Variants in C2orf49 observed in about 807,000 individuals in gnomAD.
The protein encoded by C2orf49 is tRNA splicing ligase complex subunit 2.
C2orf49 carries 11 observed loss-of-function variants against 20.6 expected under a neutral mutation model. The observed-to-expected ratio is 0.53, with a 90% confidence interval of 0.34 to 0.88. The LOEUF (loss-of-function observed/expected upper bound fraction) is 0.88. C2orf49 is among the 40% of genes least tolerant of loss of function. The probability of loss-of-function intolerance (pLI) is 0.02; values close to 1 mark genes in which losing one functional copy is unlikely to be tolerated. For missense variants in C2orf49, 289 were observed against 274.2 expected, an observed-to-expected ratio of 1.05 and a Z score of -0.38; for synonymous variants, 134 against 108.5, an observed-to-expected ratio of 1.24 and a Z score of -1.46.
the C2orf49 span, among the ~76,000 whole-genome samples, chr2:105,369,509 A>G: frequency 6.6e-6 from 1 of 152,190 alleles, no homozygotes; most frequent in East Asian, 1.9e-4. Flanking sequence ...GTTGGGGGGC[A>G]ATGTGTGAGA....
chr2:105,348,525 A>G lies in C2orf49; in HGVS notation c.*3154A>G, dbSNP rs1679867281. On this transcript the variant is annotated 3_prime_UTR_variant, in exon 4 of 4. Coordinates refer to ENST00000258457, the MANE Select transcript of C2orf49 (RefSeq NM_024093.3). ...TTAAGTAAAACTGCCAGTAGATTAAATCATATATATATATATATATATATA... is the reference window on the plus strand; with the variant it reads ...TTAAGTAAAACTGCCAGTAGATTAAGTCATATATATATATATATATATATA... 8.4e-6 allele frequency: 1 copy of G among 118,860 alleles called. No homozygotes were observed. The highest frequency in any genetic ancestry group is 3.2e-5 in the African/African-American group (1 of 31,378). 7.4% of individuals were successfully genotyped at this position (118,860 alleles called of 1,614,324 possible). A position where few individuals can be genotyped will look rare whatever the true frequency, so the allele number is the denominator to read the frequency against.
At chr2:105,372,440 TG>T in the C2orf49 span, among the ~76,000 whole-genome samples, 2 of 152,158 alleles carry the variant, frequency 1.3e-5, no homozygotes, top group Non-Finnish European at 2.9e-5. Context: ...TTAGCCTGGC[TG>T]GTCTCAAACT....
chr2:105,370,190 T>G, the C2orf49 span, among the ~76,000 whole-genome samples: 1 of 151,798 alleles, frequency 6.6e-6, no homozygotes, highest in Admixed American at 6.6e-5. Flanking sequence ...CTGGGCAACA[T>G]AGAGAGTCCC....
At chr2:105,362,421 A>G in the C2orf49 span, among the ~76,000 whole-genome samples, 1 of 152,208 alleles carries the variant, frequency 6.6e-6, no homozygotes, top group African/African-American at 2.4e-5. Flanking sequence ...CCTAAGGGAA[A>G]GGAAAGTCAA....
Position 105,347,435 on chromosome 2 carries a change from A to T in C2orf49, c.*2064A>T, listed in dbSNP as rs2104455894. The T allele has an allele frequency of 6.6e-6, 1 of 152,348 alleles. No homozygotes were observed. Among genetic ancestry groups the T allele is most frequent in the African/African-American group, 2.4e-5 (1 of 41,584 alleles). 9.4% of individuals were successfully genotyped at this position (152,348 alleles called of 1,614,324 possible). A position where few individuals can be genotyped will look rare whatever the true frequency, so the allele number is the denominator to read the frequency against. ...GTGGGAACTTATTTTTAGTTACTCA[A>T]TAAAATTAATATTTTATTTGTATTT... On this transcript the variant is annotated 3_prime_UTR_variant, in exon 4 of 4. Coordinates refer to ENST00000258457, the MANE Select transcript of C2orf49 (RefSeq NM_024093.3).
the C2orf49 span, among the ~76,000 whole-genome samples, chr2:105,355,768 TTTTGTGTGTGTGTGTGTGTGTGTGTG>T: frequency 1.0e-5 from 1 of 100,480 alleles, no homozygotes; most frequent in Non-Finnish European, 2.3e-5. Flanking sequence ...GGAGAAAAAA[TTTTGTGTGTGTGTGTGTGTGTGTGTG>T]TGTGTGTGTG....
intron 2 of C2orf49, among the ~76,000 whole-genome samples, chr2:105,340,832 A>G (rs1010671430): frequency 1.3e-5 from 2 of 152,098 alleles, no homozygotes; most frequent in Non-Finnish European, 2.9e-5. Context: ...AGGGCCTTCT[A>G]TTTGTAAGGC....
chr2:105,367,415 T>A, the C2orf49 span, among the ~76,000 whole-genome samples: 3 of 152,264 alleles, frequency 2.0e-5, no homozygotes, highest in Non-Finnish European at 2.9e-5. Context: ...CCAGACCCGA[T>A]GGATAAATGC....
Position 105,337,619 on chromosome 2 carries a change from C to T in C2orf49, c.32C>T (p.Thr11Met), listed in dbSNP as rs531996388. 3.7e-6 allele frequency: 6 copies of T among 1,610,344 alleles called. No individual in the cohort carries two copies. Among genetic ancestry groups the T allele is most frequent in the East Asian group, 2.2e-5 (1 of 44,648 alleles). ...GGGGATGTGGGCGGTCGCAGCTGCA[C>T]GGACTCGGAACTGCTGCTGCACCCG... MAGDVGGRSC[T>M]DSELLLHPEL... Residue 11 changes from threonine (T) to methionine (M), a missense_variant, in exon 1 of 4, where the codon ACG (threonine) becomes ATG (methionine). Coordinates refer to ENST00000258457, the MANE Select transcript of C2orf49 (RefSeq NM_024093.3).
rs1473696894 is a variant in C2orf49, at chr2:105,348,382, C to G, written c.*3011C>G. On this transcript the variant is annotated 3_prime_UTR_variant, in exon 4 of 4. Coordinates refer to ENST00000258457, the MANE Select transcript of C2orf49 (RefSeq NM_024093.3). ...TAATATATTTGCTGGTATTAAAATTCTTCAGAATTGGAATTACTATTTGAA... is the reference window on the plus strand; with the variant it reads ...TAATATATTTGCTGGTATTAAAATTGTTCAGAATTGGAATTACTATTTGAA... The G allele has an allele frequency of 6.6e-6, 1 of 152,040 alleles. No individual in the cohort carries two copies. The highest frequency in any genetic ancestry group is 1.5e-5 in the Non-Finnish European group (1 of 68,000). The allele number at this position is 152,040 out of a possible 1,614,324, so 9.4% of individuals were successfully genotyped here.
the C2orf49 span, among the ~76,000 whole-genome samples, chr2:105,372,348 C>A: frequency 1.3e-5 from 2 of 151,976 alleles, no homozygotes; most frequent in East Asian, 3.9e-4. Context: ...GCCTCAGCCT[C>A]CCGAGTAGCT....
At chr2:105,355,770 TTGTGTG>T in the C2orf49 span, among the ~76,000 whole-genome samples, 1,277 of 143,182 alleles carry the variant, frequency 8.9e-3, 13 homozygotes, top group Middle Eastern at 0.028. Context: ...AGAAAAAATT[TTGTGTG>T]TGTGTGTGTG....
chr2:105,356,025 C>T, the C2orf49 span, among the ~76,000 whole-genome samples: 2 of 152,228 alleles, frequency 1.3e-5, no homozygotes, highest in Middle Eastern at 3.4e-3. Flanking sequence ...TGGGGGGAAT[C>T]GCTTGAGCCC....
rs1679869375 is a variant in C2orf49, at chr2:105,348,552, A to ATATATATG, written c.*3186_*3187insATGTATAT. The stretch of plus-strand genomic sequence containing the variant: ...CATATATATATATATATATATATAT[A>ATATATATG]TATATGTAAGAGCTTCCTCTATTTA... On this transcript the variant is annotated 3_prime_UTR_variant, in exon 4 of 4. Transcript: ENST00000258457. 6.9e-6 allele frequency: 1 copy of ATATATATG among 145,590 alleles called. No individual in the cohort carries two copies. The highest frequency in any genetic ancestry group is 2.5e-5 in the African/African-American group (1 of 40,426). 9.0% of individuals were successfully genotyped at this position (145,590 alleles called of 1,614,324 possible).
At chr2:105,363,160 T>G in the C2orf49 span, 1 of 841,912 alleles carries the variant, frequency 1.2e-6, no homozygotes, top group Non-Finnish European at 1.9e-6. Flanking sequence ...CAGAAAAGTC[T>G]GCTGTGTTCA....
chr2:105,344,701 T>C (rs1344021372), intron 3 of C2orf49, among the ~76,000 whole-genome samples: 1 of 151,596 alleles, frequency 6.6e-6, no homozygotes, highest in East Asian at 1.9e-4. Context: ...TGCCTCAGCC[T>C]CCCGAGTAGC....
the C2orf49 span, among the ~76,000 whole-genome samples, chr2:105,372,350 C>G: frequency 6.6e-6 from 1 of 152,024 alleles, no homozygotes; most frequent in South Asian, 2.1e-4. Context: ...CTCAGCCTCC[C>G]GAGTAGCTGG....
At chr2:105,370,283 G>T in the C2orf49 span, among the ~76,000 whole-genome samples, 1 of 152,050 alleles carries the variant, frequency 6.6e-6, no homozygotes, top group Non-Finnish European at 1.5e-5. Context: ...GCTGAGGTGG[G>T]AGGATCATTT....
rs911964958 is a variant in C2orf49 at position 105,345,496 on chromosome 2, TA to T, written c.*132del. 6.6e-6 allele frequency: 5 copies of T among 757,116 alleles called. No homozygotes were observed. 46.9% of individuals were successfully genotyped at this position (757,116 alleles called of 1,614,324 possible). A position where few individuals can be genotyped will look rare whatever the true frequency, so the allele number is the denominator to read the frequency against. On this transcript the variant is annotated 3_prime_UTR_variant, in exon 4 of 4. Coordinates refer to ENST00000258457, the MANE Select transcript of C2orf49 (RefSeq NM_024093.3). Reference sequence around the variant, plus strand: ...TTTCTTAAGAGGTTTCAAATAGGTTTAAAAAAATAAAGGATTTATTTTCCTT... The same window carrying T: ...TTTCTTAAGAGGTTTCAAATAGGTTTAAAAAATAAAGGATTTATTTTCCTT...
Sources: gnomAD v4.1 joint callset for allele counts (sites outside exome capture counted in the v4.1 genomes callset) on GRCh38, gnomAD v4.1.1 for gene constraint, MANE v1.5 for transcripts, NCBI Gene and HGNC (gene_info 2026-07-23, HGNC 2026-07-21) for gene names.